The following PRR16 variants were observed in gnomAD, a reference collection of about 807,000 sequenced individuals.
The protein encoded by PRR16 is proline rich 16, also known as protein Largen.
PRR16 carries 6 observed loss-of-function variants against 18.2 expected under a neutral mutation model. That is an observed-to-expected ratio of 0.33 (90% confidence interval 0.18 to 0.65). The LOEUF (loss-of-function observed/expected upper bound fraction) is 0.65, where lower values mean the gene tolerates loss of function less well. Ranked by LOEUF, PRR16 falls within the 30% of genes least tolerant of loss-of-function variation. PRR16 has a pLI of 0.74. For missense variants in PRR16, 412 were observed against 376.6 expected, an observed-to-expected ratio of 1.09 and a Z score of -0.78; for synonymous variants, 151 against 147.8, an observed-to-expected ratio of 1.02 and a Z score of -0.16.
rs182195220 is a variant in PRR16, at chr5:120,630,274, C to G, written c.160-55680C>G. ...TGTTCACGTCCTTAGTCAATTTAAA[C>G]ATACTACTTCACAGATTGTCTTTTT... On this transcript the variant is annotated intron_variant, in intron 1 of 1. Transcript: ENST00000407149. Among the ~76,000 whole-genome samples the G allele has an allele frequency of 2.6e-4, 40 of 152,176 alleles. 1 individual carries two copies. The East Asian group carries it at 7.7e-3, about 29-fold the overall frequency.
intron 1 of PRR16, among the ~76,000 whole-genome samples, chr5:120,490,060 C>T (rs1036490506): frequency 7.9e-5 from 12 of 152,258 alleles, no homozygotes; most frequent in African/African-American, 2.9e-4. Flanking sequence ...GGTAACCCGA[C>T]CTTTCTCTCT....
chr5:120,646,137 G>A (rs1580826277), intron 1 of PRR16, among the ~76,000 whole-genome samples: 1 of 148,056 alleles, frequency 6.8e-6, no homozygotes, highest in African/African-American at 2.5e-5. Flanking sequence ...AAAGTGGCAT[G>A]GGGTTTACAG....
the PRR16 span, among the ~76,000 whole-genome samples, chr5:120,768,881 G>C: frequency 6.6e-6 from 1 of 151,638 alleles, no homozygotes; most frequent in Non-Finnish European, 1.5e-5. Flanking sequence ...ATGTATTGCT[G>C]TGAAGCTAAT....
chr5:120,689,014 CATAA>C (rs1757179524), downstream of PRR16, among the ~76,000 whole-genome samples: 1 of 152,082 alleles, frequency 6.6e-6, no homozygotes, highest in African/African-American at 2.4e-5. Context: ...TTATTCAACA[CATAA>C]ATAACTAACT....
intron 1 of PRR16, among the ~76,000 whole-genome samples, chr5:120,507,367 C>T (rs559497897): frequency 3.2e-4 from 49 of 152,050 alleles, no homozygotes; most frequent in Middle Eastern, 3.4e-3. Context: ...ACTTAAATTG[C>T]GAAACAAATG....
chr5:120,705,998 A>G, the PRR16 span, among the ~76,000 whole-genome samples: 9 of 152,182 alleles, frequency 5.9e-5, no homozygotes, highest in African/African-American at 2.2e-4. Context: ...ATCTTTCATC[A>G]TTGTGCTTTA....
At chr5:120,578,028 A>G (rs1753138047) in intron 1 of PRR16, among the ~76,000 whole-genome samples, 1 of 152,206 alleles carries the variant, frequency 6.6e-6, no homozygotes, top group East Asian at 1.9e-4. Context: ...AAGCAAGGAT[A>G]AGAAAAAGAA....
intron 1 of PRR16, among the ~76,000 whole-genome samples, chr5:120,673,823 C>T (rs1756698418): frequency 6.6e-6 from 1 of 151,906 alleles, no homozygotes; most frequent in Admixed American, 6.6e-5. Context: ...GGCATGGTGG[C>T]ACATGCCTGT....
chr5:120,726,854 T>C, the PRR16 span, among the ~76,000 whole-genome samples: 3 of 152,130 alleles, frequency 2.0e-5, no homozygotes, highest in Non-Finnish European at 2.9e-5. Flanking sequence ...AGTATCTCCA[T>C]GGCAAACTGC....
At chr5:120,520,949 G>A (rs1751155965) in intron 1 of PRR16, among the ~76,000 whole-genome samples, 1 of 151,720 alleles carries the variant, frequency 6.6e-6, no homozygotes, top group African/African-American at 2.4e-5. Flanking sequence ...CCCATTAGAT[G>A]GAAATTTGTC....
chr5:120,557,729 T>C (rs1752459815), intron 1 of PRR16, among the ~76,000 whole-genome samples: 1 of 151,958 alleles, frequency 6.6e-6, no homozygotes, highest in South Asian at 2.1e-4. Context: ...TACATTTCAA[T>C]CCATTAAATA....
intron 1 of PRR16, among the ~76,000 whole-genome samples, chr5:120,531,286 T>C (rs9327147): frequency 0.33 from 50,013 of 151,878 alleles, 9,488 homozygotes; most frequent in African/African-American, 0.52. Flanking sequence ...GGTAGTTTGA[T>C]GGCAAATGAC....
chr5:120,746,612 G>T, the PRR16 span, among the ~76,000 whole-genome samples: 1 of 152,070 alleles, frequency 6.6e-6, no homozygotes, highest in East Asian at 1.9e-4. Flanking sequence ...TATGAGAATT[G>T]CTTGGGAAGT....
At chr5:120,764,292 C>CGTTTTCTGCATGTATTGAGA in the PRR16 span, among the ~76,000 whole-genome samples, 1 of 151,548 alleles carries the variant, frequency 6.6e-6, no homozygotes, top group Non-Finnish European at 1.5e-5. Flanking sequence ...TTACCAAATG[C>CGTTTTCTGCATGTATTGAGA]GTTTTCTGCA....
chr5:120,578,198 G>T (rs1753144034), intron 1 of PRR16, among the ~76,000 whole-genome samples: 1 of 152,034 alleles, frequency 6.6e-6, no homozygotes, highest in Admixed American at 6.6e-5. Flanking sequence ...TGGTTTTATT[G>T]TCCTACTACA....
the PRR16 span, among the ~76,000 whole-genome samples, chr5:120,792,548 G>A: frequency 1.1e-4 from 17 of 151,904 alleles, no homozygotes; most frequent in South Asian, 1.2e-3. Flanking sequence ...TTTTTATCTC[G>A]AAATGCCAAT....
chr5:120,485,975 G>A (rs1431197952), intron 1 of PRR16, among the ~76,000 whole-genome samples: 1 of 152,124 alleles, frequency 6.6e-6, no homozygotes, highest in Non-Finnish European at 1.5e-5. Context: ...CAAAGGACAT[G>A]AACTCATCAT....
chr5:120,768,641 CA>C, the PRR16 span, among the ~76,000 whole-genome samples: 1 of 151,350 alleles, frequency 6.6e-6, no homozygotes, highest in Non-Finnish European at 1.5e-5. Context: ...AAGAGAAAAA[CA>C]AAGGTTTGCA....
chr5:120,477,680 CAA>C lies in PRR16; in HGVS notation c.159+13037_159+13038del, dbSNP rs951363001. 6.6e-5 allele frequency among the ~76,000 whole-genome samples: 10 copies of C among 152,264 alleles called. No individual in the cohort carries two copies. The South Asian group carries it at 1.7e-3, about 25-fold the overall frequency. ...CCCTGTAGCAGTTTCTCATTTTACT[CAA>C]AGTCAGAGCACTTACTGTAGCTTTG... On this transcript the variant is annotated intron_variant, in intron 1 of 1. Coordinates refer to ENST00000407149, the MANE Select transcript of PRR16 (RefSeq NM_001300783.2).
Sources: allele counts gnomAD v4.1 joint callset (sites outside exome capture counted in the v4.1 genomes callset), GRCh38; gene constraint gnomAD v4.1.1; transcripts MANE v1.5; gene names NCBI Gene and HGNC (gene_info 2026-07-23, HGNC 2026-07-21).